The following OLA1 variants were observed in gnomAD, a reference collection of about 807,000 sequenced individuals.
OLA1 encodes Obg like ATPase 1.
In OLA1, 14 loss-of-function variants were observed where a neutral mutation model predicts 48.4. That is an observed-to-expected ratio of 0.29 (90% confidence interval 0.19 to 0.45). The LOEUF is 0.45. Among genes scored for constraint, OLA1 ranks in the 20% least tolerant of loss-of-function variants. OLA1 has a pLI of 1.00. For missense variants in OLA1, 325 were observed against 467.1 expected (o/e 0.70, Z 2.80); for synonymous variants, 127 against 150.4 (o/e 0.84, Z 1.14).
intron 7 of OLA1, among the ~76,000 whole-genome samples, chr2:174,086,344 T>A (rs1027833628): frequency 6.6e-6 from 1 of 152,138 alleles, no homozygotes; most frequent in African/African-American, 2.4e-5. Context: ...TGGAAACTGT[T>A]CCTTGACTCT....
intron 5 of OLA1, among the ~76,000 whole-genome samples, chr2:174,137,839 G>A (rs1574502331): frequency 6.6e-6 from 1 of 152,168 alleles, no homozygotes; most frequent in South Asian, 2.1e-4. Flanking sequence ...ATTGTGGATA[G>A]TTTGATCTTC....
intron 4 of OLA1, among the ~76,000 whole-genome samples, chr2:174,154,255 T>C (rs879480912): frequency 6.6e-5 from 10 of 152,290 alleles, no homozygotes; most frequent in Non-Finnish European, 1.2e-4. Context: ...CCCTTTGCAA[T>C]AGCCATCTCG....
chr2:174,231,414 A>G (rs1258019782), intron 2 of OLA1, among the ~76,000 whole-genome samples: 1 of 152,232 alleles, frequency 6.6e-6, no homozygotes, highest in African/African-American at 2.4e-5. Context: ...CGTATACTGT[A>G]GTTTAAAAAC....
chr2:174,188,700 T>TG (rs1334411852), intron 4 of OLA1, among the ~76,000 whole-genome samples: 105 of 152,344 alleles, frequency 6.9e-4, no homozygotes, highest in African/African-American at 2.4e-3. Flanking sequence ...GCTGAGATAC[T>TG]GACACCTTTG....
chr2:174,167,759 C>T (rs1687199804), intron 4 of OLA1, among the ~76,000 whole-genome samples: 1 of 151,968 alleles, frequency 6.6e-6, no homozygotes, highest in Non-Finnish European at 1.5e-5. Flanking sequence ...AATATTTTTT[C>T]CTTAAGGTTC....
intron 7 of OLA1, among the ~76,000 whole-genome samples, chr2:174,106,173 G>T (rs1464883036): frequency 6.6e-6 from 1 of 151,882 alleles, no homozygotes; most frequent in African/African-American, 2.4e-5. Context: ...CAAGCAAATT[G>T]TTTTTAAAAA....
rs183339017 is a variant in OLA1 at position 174,185,736 on chromosome 2, T to C, written c.373+37297A>G. Among the ~76,000 whole-genome samples the C allele has an allele frequency of 4.2e-3, 646 of 152,262 alleles. 7 individuals carry two copies. The highest frequency in any genetic ancestry group is 0.037 in the South Asian group (179 of 4,826). On this transcript the variant is annotated intron_variant, in intron 4 of 10. Coordinates refer to ENST00000284719, the MANE Select transcript of OLA1 (RefSeq NM_013341.5). ...TGAGGTCAGGAGTTCAAGACCAGCC[T>C]GGCCAACATGGCAAAACCTCGTTTC...
intron 2 of OLA1, among the ~76,000 whole-genome samples, chr2:174,236,235 A>C (rs984609472): frequency 6.6e-5 from 10 of 152,104 alleles, no homozygotes; most frequent in Non-Finnish European, 8.8e-5. Context: ...ATGAGAGATG[A>C]AGTAGCATAA....
chr2:174,155,883 G>A lies in OLA1; in HGVS notation c.374-13883C>T, dbSNP rs149459967. On this transcript the variant is annotated intron_variant, in intron 4 of 10. Coordinates refer to ENST00000284719, the MANE Select transcript of OLA1 (RefSeq NM_013341.5). ...GAGAGTAAAGAAGAAATTCCAGCAG[G>A]ATGGAAGTATAACAGAAGTGATTAA... Among the ~76,000 whole-genome samples the A allele has an allele frequency of 2.3e-3, 350 of 152,252 alleles. 7 individuals are homozygous for A. Among genetic ancestry groups the A allele is most frequent in the Admixed American group, 0.018 (275 of 15,292 alleles).
intron 7 of OLA1, among the ~76,000 whole-genome samples, chr2:174,116,116 T>C (rs1258314134): frequency 6.6e-6 from 1 of 152,246 alleles, no homozygotes; most frequent in Non-Finnish European, 1.5e-5. Flanking sequence ...CAAGTTTTGC[T>C]TTTCTTGATG....
chr2:174,183,086 A>G, intron 4 of OLA1, among the ~76,000 whole-genome samples: 1 of 152,172 alleles, frequency 6.6e-6, no homozygotes, highest in South Asian at 2.1e-4. Flanking sequence ...TCACATCTTT[A>G]ATAAAATGGG....
intron 7 of OLA1, among the ~76,000 whole-genome samples, chr2:174,097,971 A>G (rs774125236): frequency 6.6e-6 from 1 of 152,222 alleles, no homozygotes; most frequent in Non-Finnish European, 1.5e-5. Context: ...AGGAGTAGAC[A>G]CTGAAGGATA....
At chr2:174,076,011 AGATTCT>A (rs1355106609) in intron 10 of OLA1, among the ~76,000 whole-genome samples, 1 of 152,240 alleles carries the variant, frequency 6.6e-6, no homozygotes, top group African/African-American at 2.4e-5. Context: ...TTGTTGTGTA[AGATTCT>A]GAACTACTTC....
intron 4 of OLA1, among the ~76,000 whole-genome samples, chr2:174,167,217 A>C (rs1379996063): frequency 6.6e-6 from 1 of 152,198 alleles, no homozygotes; most frequent in African/African-American, 2.4e-5. Flanking sequence ...CATCTTCTTC[A>C]ATTCATCCTC....
chr2:174,144,951 A>ATATATATATATATATAT (rs1553483449), intron 4 of OLA1, among the ~76,000 whole-genome samples: 2 of 40,300 alleles, frequency 5.0e-5, no homozygotes, highest in Non-Finnish European at 8.0e-5. Context: ...AAAAAAAAAA[A>ATATATATATATATATAT]ATATATATAT....
chr2:174,171,580 T>A (rs1446671329), intron 4 of OLA1, among the ~76,000 whole-genome samples: 1 of 152,174 alleles, frequency 6.6e-6, no homozygotes, highest in African/African-American at 2.4e-5. Flanking sequence ...AATAAAAATA[T>A]AACCTATCAA....
chr2:174,095,220 C>T (rs985518053), intron 7 of OLA1, among the ~76,000 whole-genome samples: 19 of 151,902 alleles, frequency 1.3e-4, no homozygotes, highest in African/African-American at 4.6e-4. Flanking sequence ...TTTTGAGGAA[C>T]CATCAAACTG....
At chr2:174,119,731 A>G (rs746111332) in intron 7 of OLA1, among the ~76,000 whole-genome samples, 35 of 152,278 alleles carry the variant, frequency 2.3e-4, no homozygotes, top group Middle Eastern at 3.4e-3. Context: ...TGGTATAATA[A>G]GAATAATAAA....
chr2:174,114,524 T>C (rs1289779378), intron 7 of OLA1, among the ~76,000 whole-genome samples: 1 of 152,120 alleles, frequency 6.6e-6, no homozygotes, highest in Non-Finnish European at 1.5e-5. Flanking sequence ...TAAAATTTCA[T>C]TTAAAAAGGC....
Sources: gnomAD v4.1 joint callset for allele counts (sites outside exome capture counted in the v4.1 genomes callset) on GRCh38, gnomAD v4.1.1 for gene constraint, MANE v1.5 for transcripts, NCBI Gene and HGNC (gene_info 2026-07-23, HGNC 2026-07-21) for gene names.